PCDH15: variants seen among roughly 807,000 people sequenced by gnomAD.
PCDH15 encodes the protein protocadherin related 15, also known as protocadherin-15.
Under a neutral mutation model 178.5 loss-of-function variants are expected in PCDH15, and 129 were observed. The ratio of observed to expected loss-of-function variants is 0.72; its 90% confidence interval spans 0.63 to 0.84. The LOEUF (loss-of-function observed/expected upper bound fraction) is 0.84. Ranked by LOEUF, PCDH15 falls within the 40% of genes least tolerant of loss-of-function variation. The probability of loss-of-function intolerance (pLI) is 0.00; values close to 1 mark genes in which losing one functional copy is unlikely to be tolerated. For missense variants in PCDH15, 2,230 were observed against 2,099.9 expected (o/e 1.06, Z -1.21); for synonymous variants, 800 against 732.0 (o/e 1.09, Z -1.50).
chr10:55,396,539 C>A (rs1013061456), intron 2 of PCDH15, among the ~76,000 whole-genome samples: 9 of 152,074 alleles, frequency 5.9e-5, no homozygotes, highest in African/African-American at 2.2e-4. Flanking sequence ...AAATTGAGGT[C>A]TAATCGAGAC....
At chr10:54,489,552 CAT>C (rs1161835890) in intron 3 of PCDH15, among the ~76,000 whole-genome samples, 1 of 152,064 alleles carries the variant, frequency 6.6e-6, no homozygotes. Flanking sequence ...TCAGGAAAAA[CAT>C]ATATTGATAA....
chr10:55,256,558 C>T lies in PCDH15; in HGVS notation c.-156+63041G>A, dbSNP rs541109664. ...GCACTTTTCCAATGGTCTTGGCAAA[C>T]GGCACACCAGGAGATTATAACCCGC... is the stretch of plus-strand genomic sequence containing the variant. On this transcript the variant is annotated intron_variant, in intron 1 of 5. Transcript: ENST00000458638. 5.9e-5 allele frequency among the ~76,000 whole-genome samples: 9 copies of T among 152,288 alleles called. No homozygotes were observed. The South Asian group carries it at 1.0e-3, about 18-fold the overall frequency.
chr10:54,108,830 C>A (rs565289062), intron 15 of PCDH15, among the ~76,000 whole-genome samples: 42 of 152,282 alleles, frequency 2.8e-4, no homozygotes, highest in African/African-American at 9.9e-4. Context: ...ACTAGTCAGT[C>A]ATGAGGCTCC....
At chr10:55,532,981 G>A (rs1438513659) in intron 2 of PCDH15, among the ~76,000 whole-genome samples, 1 of 152,044 alleles carries the variant, frequency 6.6e-6, no homozygotes, top group East Asian at 1.9e-4. Flanking sequence ...AGTTTCTCAG[G>A]ACATTAAAAT....
chr10:54,971,087 G>A (rs565256033), intron 2 of PCDH15, among the ~76,000 whole-genome samples: 2 of 152,114 alleles, frequency 1.3e-5, no homozygotes, highest in East Asian at 1.9e-4. Flanking sequence ...TAAGACTTTT[G>A]GAGTTAATGA....
chr10:54,668,930 T>C (rs937196631), intron 1 of PCDH15, among the ~76,000 whole-genome samples: 3 of 152,170 alleles, frequency 2.0e-5, no homozygotes, highest in African/African-American at 7.2e-5. Flanking sequence ...TTATTCTTGA[T>C]CTGTAACAAT....
intron 2 of PCDH15, among the ~76,000 whole-genome samples, chr10:55,603,215 G>C (rs1166678229): frequency 6.6e-6 from 1 of 151,850 alleles, no homozygotes; most frequent in Non-Finnish European, 1.5e-5. Context: ...ACAGAAACGA[G>C]CAAAGCCTCC....
In PCDH15 at chr10:54,751,678, GCTTT is replaced by G. The variant is rs201318855; in HGVS notation, c.-29+49243_-29+49246del. 5.8e-4 allele frequency among the ~76,000 whole-genome samples: 89 copies of G among 152,212 alleles called. No individual in the cohort carries two copies. In the East Asian group the frequency reaches 0.016, roughly 27 times the overall value. On this transcript the variant is annotated intron_variant, in intron 1 of 37. Coordinates refer to ENST00000644397, the MANE Select transcript of PCDH15 (RefSeq NM_001384140.1). Reference sequence around the variant, plus strand: ...TCACTTCTTTGAATCCATTTCTAGAGCTTTCTGTGTTACATCAAGAAAACAGATT... The same window carrying G: ...TCACTTCTTTGAATCCATTTCTAGAGCTGTGTTACATCAAGAAAACAGATT...
At chr10:54,150,196 G>A (rs1489829674) in intron 14 of PCDH15, among the ~76,000 whole-genome samples, 1 of 152,030 alleles carries the variant, frequency 6.6e-6, no homozygotes, top group Non-Finnish European at 1.5e-5. Flanking sequence ...AGCAAGGAGG[G>A]GTAATGGGCG....
At chr10:54,729,645 A>C (rs1339183211) in intron 1 of PCDH15, among the ~76,000 whole-genome samples, 3 of 151,734 alleles carry the variant, frequency 2.0e-5, no homozygotes, top group Non-Finnish European at 4.4e-5. Flanking sequence ...AATATTTGTA[A>C]ACTAGACTTC....
chr10:55,103,711 T>C (rs1215686951), intron 2 of PCDH15, among the ~76,000 whole-genome samples: 1 of 152,144 alleles, frequency 6.6e-6, no homozygotes, highest in Non-Finnish European at 1.5e-5. Context: ...GTGCCATGTG[T>C]AATGAAATTT....
intron 2 of PCDH15, among the ~76,000 whole-genome samples, chr10:55,612,032 C>A (rs1302198678): frequency 6.6e-6 from 1 of 151,830 alleles, no homozygotes; most frequent in East Asian, 1.9e-4. Context: ...GCGGGATAGA[C>A]AGAAAAAGAA....
chr10:54,804,013 T>C (rs58119366), upstream of PCDH15, among the ~76,000 whole-genome samples: 7,471 of 152,142 alleles, frequency 0.049, 546 homozygotes, highest in African/African-American at 0.17. Flanking sequence ...TAAAAAGTGG[T>C]AATAAACAAA....
At chr10:55,037,818 T>A (rs559935774) in intron 2 of PCDH15, among the ~76,000 whole-genome samples, 1 of 152,222 alleles carries the variant, frequency 6.6e-6, no homozygotes, top group African/African-American at 2.4e-5. Context: ...AAGGTAATTA[T>A]CTGTCATCTT....
At chr10:55,321,749 C>A (rs1843908171), upstream of PCDH15, among the ~76,000 whole-genome samples, 1 of 152,000 alleles carries the variant, frequency 6.6e-6, no homozygotes, top group Non-Finnish European at 1.5e-5. Context: ...TCATATCCAG[C>A]CAAATTAAGC....
chr10:54,403,057 T>C (rs1033727718), intron 3 of PCDH15, among the ~76,000 whole-genome samples: 1 of 152,000 alleles, frequency 6.6e-6, no homozygotes, highest in African/African-American at 2.4e-5. Context: ...TAAGGGAAAC[T>C]AAAAGTGCTA....
chr10:54,052,976 G>A (rs988782420), intron 18 of PCDH15, among the ~76,000 whole-genome samples: 2 of 152,120 alleles, frequency 1.3e-5, no homozygotes, highest in Non-Finnish European at 2.9e-5. Context: ...GGACACATTT[G>A]CTTCCTCTTC....
chr10:55,288,091 T>C (rs1050874427), intron 1 of PCDH15, among the ~76,000 whole-genome samples: 4 of 150,424 alleles, frequency 2.7e-5, no homozygotes, highest in African/African-American at 9.7e-5. Context: ...TATATATATA[T>C]GTGTAAGATT....
intron 29 of PCDH15, among the ~76,000 whole-genome samples, chr10:53,837,964 T>G (rs1442456875): frequency 8.4e-6 from 1 of 118,404 alleles, no homozygotes; most frequent in Non-Finnish European, 1.8e-5. Flanking sequence ...TATTATTTAT[T>G]TATTTATTTA....
Sources: gnomAD v4.1 joint callset for allele counts (sites outside exome capture counted in the v4.1 genomes callset) on GRCh38, gnomAD v4.1.1 for gene constraint, MANE v1.5 for transcripts, NCBI Gene and HGNC (gene_info 2026-07-23, HGNC 2026-07-21) for gene names.